SGCD: variants seen among roughly 807,000 people sequenced by gnomAD.
SGCD encodes the protein sarcoglycan delta, also known as delta-sarcoglycan.
Under a neutral mutation model 36.6 loss-of-function variants are expected in SGCD, and 18 were observed. That is an observed-to-expected ratio of 0.49 (90% CI 0.34 to 0.73). The LOEUF (loss-of-function observed/expected upper bound fraction) is 0.73, where lower values mean the gene tolerates loss of function less well. SGCD is among the 30% of genes least tolerant of loss of function. The pLI is 0.01. For synonymous variants in SGCD, 133 were observed against 130.6 expected (o/e 1.02, Z -0.12); for missense variants, 387 against 346.7 (o/e 1.12, Z -0.92).
chr5:156,353,234 G>A (rs1398625743), intron 3 of SGCD, among the ~76,000 whole-genome samples: 1 of 152,152 alleles, frequency 6.6e-6, no homozygotes, highest in Non-Finnish European at 1.5e-5. Context: ...TTGAATAAAT[G>A]AAAGGGAGAA....
At chr5:155,806,748 A>G in the SGCD span, among the ~76,000 whole-genome samples, 2 of 152,228 alleles carry the variant, frequency 1.3e-5, no homozygotes, top group Non-Finnish European at 2.9e-5. Flanking sequence ...TTTGAATCAG[A>G]AAAGACAGCA....
chr5:156,744,826 G>GGC (rs1467526020), intron 7 of SGCD, among the ~76,000 whole-genome samples: 1 of 152,098 alleles, frequency 6.6e-6, no homozygotes, highest in African/African-American at 2.4e-5. Context: ...TTTTAAAGTT[G>GGC]AGCTGATTTT....
intron 1 of SGCD, among the ~76,000 whole-genome samples, chr5:155,973,391 T>C (rs761819344): frequency 6.6e-5 from 10 of 152,190 alleles, no homozygotes; most frequent in Non-Finnish European, 1.3e-4. Context: ...TTAAGGAGAA[T>C]GTGGCTAAGT....
At chr5:155,843,759 T>C in the SGCD span, among the ~76,000 whole-genome samples, 1 of 152,162 alleles carries the variant, frequency 6.6e-6, no homozygotes, top group Non-Finnish European at 1.5e-5. Context: ...GTAGGGGGGC[T>C]ACAGCTAGGA....
intron 3 of SGCD, among the ~76,000 whole-genome samples, chr5:156,464,618 A>T (rs1581032159): frequency 6.6e-6 from 1 of 152,062 alleles, no homozygotes; most frequent in East Asian, 1.9e-4. Context: ...GTTCTTAGAG[A>T]CCCTTGTTGA....
At chr5:156,723,555 G>A (rs1209334113) in intron 7 of SGCD, among the ~76,000 whole-genome samples, 1 of 152,214 alleles carries the variant, frequency 6.6e-6, no homozygotes, top group East Asian at 1.9e-4. Flanking sequence ...AGTTAACCAT[G>A]CTATGAAGGG....
chr5:156,488,148 TAAAA>T (rs1473413986), intron 3 of SGCD, among the ~76,000 whole-genome samples: 1 of 75,134 alleles, frequency 1.3e-5, no homozygotes, highest in Non-Finnish European at 2.9e-5. Flanking sequence ...AGACAAAAAA[TAAAA>T]AGAAAACAGT....
chr5:155,905,869 G>A (rs1317552591), intron 1 of SGCD, among the ~76,000 whole-genome samples: 1 of 152,108 alleles, frequency 6.6e-6, no homozygotes, highest in African/African-American at 2.4e-5. Flanking sequence ...CCCCAGCCAC[G>A]TGGAACTGTA....
At chr5:156,102,134 A>G (rs1761534938) in intron 1 of SGCD, among the ~76,000 whole-genome samples, 1 of 152,136 alleles carries the variant, frequency 6.6e-6, no homozygotes, top group African/African-American at 2.4e-5. Context: ...TACAGAAATA[A>G]GAATGTTTCT....
chr5:156,223,142 T>G (rs1764760964), intron 3 of SGCD, among the ~76,000 whole-genome samples: 1 of 152,112 alleles, frequency 6.6e-6, no homozygotes, highest in Non-Finnish European at 1.5e-5. Context: ...ACCTTGGATA[T>G]ATTGGTTTAT....
chr5:155,987,476 C>T (rs1758353976), intron 1 of SGCD, among the ~76,000 whole-genome samples: 1 of 152,164 alleles, frequency 6.6e-6, no homozygotes, highest in Non-Finnish European at 1.5e-5. Flanking sequence ...TTCTACGAAA[C>T]CCATCTCCCA....
upstream of SGCD, among the ~76,000 whole-genome samples, chr5:155,867,792 T>A (rs369389436): frequency 1.2e-4 from 19 of 152,298 alleles, no homozygotes; most frequent in East Asian, 2.1e-3. Context: ...ACAATAGATT[T>A]TGAATTCTCA....
intron 1 of SGCD, among the ~76,000 whole-genome samples, chr5:155,886,241 G>A (rs1755995194): frequency 6.6e-6 from 1 of 152,190 alleles, no homozygotes; most frequent in South Asian, 2.1e-4. Context: ...AGTACGTGCA[G>A]TTAGGTCTTA....
chr5:156,709,021 A>C (rs1754867284), intron 7 of SGCD, among the ~76,000 whole-genome samples: 1 of 152,174 alleles, frequency 6.6e-6, no homozygotes, highest in African/African-American at 2.4e-5. Context: ...AAGAGCCTAG[A>C]GTCTTGCTGA....
chr5:156,176,340 A>G (rs1466460871), intron 3 of SGCD, among the ~76,000 whole-genome samples: 1 of 152,180 alleles, frequency 6.6e-6, no homozygotes, highest in Non-Finnish European at 1.5e-5. Context: ...GCTTCGTTCA[A>G]ATAGCAACGT....
intron 3 of SGCD, among the ~76,000 whole-genome samples, chr5:156,305,598 C>T (rs965975440): frequency 6.6e-6 from 1 of 152,178 alleles, no homozygotes; most frequent in South Asian, 2.1e-4. Context: ...CACACAGAGG[C>T]CCTACTGAGG....
At chr5:156,448,031 C>T (rs1376312468) in intron 3 of SGCD, among the ~76,000 whole-genome samples, 1 of 152,144 alleles carries the variant, frequency 6.6e-6, no homozygotes, top group Non-Finnish European at 1.5e-5. Flanking sequence ...AGAATTCAAA[C>T]TCAGGTCTGT....
Position 156,263,404 on chromosome 5 carries a change from A to C in SGCD, c.-43-66130A>C, listed in dbSNP as rs138146159. ...GTTGGCCATTGTATATCTTCTTTTG[A>C]GAATTGTCTATTCATGTCCTTAGCC... is the stretch of plus-strand genomic sequence containing the variant. On this transcript the variant is annotated intron_variant, in intron 3 of 9. Coordinates refer to the SGCD transcript ENST00000517913. Among the ~76,000 whole-genome samples, 283 of 152,118 alleles carry C rather than the reference A, an allele frequency of 1.9e-3. 1 individual carries two copies. Among genetic ancestry groups the C allele is most frequent in the African/African-American group, 6.5e-3 (270 of 41,520 alleles).
At chr5:155,803,309 C>T in the SGCD span, among the ~76,000 whole-genome samples, 2 of 152,164 alleles carry the variant, frequency 1.3e-5, no homozygotes, top group East Asian at 1.9e-4. Context: ...ACATCAAAAC[C>T]GAGATGCCGG....
Sources: gnomAD v4.1 joint callset for allele counts (sites outside exome capture counted in the v4.1 genomes callset) on GRCh38, gnomAD v4.1.1 for gene constraint, MANE v1.5 for transcripts, NCBI Gene and HGNC (gene_info 2026-07-23, HGNC 2026-07-21) for gene names.